Variants in SFMBT1 observed in about 807,000 individuals in gnomAD.
The protein encoded by SFMBT1 is Scm like with four mbt domains 1.
SFMBT1 carries 32 observed loss-of-function variants against 108.7 expected under a neutral mutation model. The ratio of observed to expected loss-of-function variants is 0.29; its 90% CI spans 0.22 to 0.40. The LOEUF is 0.40. Ranked by LOEUF, SFMBT1 falls within the 10% of genes least tolerant of loss-of-function variation. The pLI is 1.00. For synonymous variants in SFMBT1, 348 were observed against 369.5 expected (o/e 0.94, Z 0.67); for missense variants, 816 against 1,059.6 (o/e 0.77, Z 3.19).
chr3:52,986,023 G>A (rs1417696521), intron 1 of SFMBT1, among the ~76,000 whole-genome samples: 3 of 151,744 alleles, frequency 2.0e-5, no homozygotes, highest in Non-Finnish European at 4.4e-5. Flanking sequence ...GGCGCCTGTA[G>A]TCCCAGCTAC....
Position 52,907,286 on chromosome 3 carries a change from G to A in SFMBT1, c.2114C>T (p.Pro705Leu). ...QGSGGEDEDD[P>L]DEGDDDSLSE... ...TAGGGAATCATCATCCCCTTCATCTGGGTCATCCTCATCTTCACCCCCACT... is the reference window on the plus strand; with the variant it reads ...TAGGGAATCATCATCCCCTTCATCTAGGTCATCCTCATCTTCACCCCCACT... The change falls in exon 19 of 21, where the codon CCA becomes CTA. Residue 705 changes from proline to leucine, a missense_variant. This residue lies in a region of SFMBT1 where 177 missense variants were observed against 182.0 expected (regional missense o/e 0.97). Transcript: ENST00000394752. The A allele has an allele frequency of 6.2e-7, 1 of 1,613,654 alleles. No individual in the cohort carries two copies. Among genetic ancestry groups the A allele is most frequent in the East Asian group, 2.2e-5 (1 of 44,880 alleles).
intron 1 of SFMBT1, among the ~76,000 whole-genome samples, chr3:53,016,975 ATTG>A (rs1699146638): frequency 6.6e-6 from 1 of 152,188 alleles, no homozygotes; most frequent in Non-Finnish European, 1.5e-5. Flanking sequence ...AAAACTGATT[ATTG>A]TTAACTAGAT....
chr3:52,937,634 G>C (rs1226783955), intron 4 of SFMBT1, among the ~76,000 whole-genome samples: 1 of 151,390 alleles, frequency 6.6e-6, no homozygotes, highest in Non-Finnish European at 1.5e-5. Flanking sequence ...CCAGGCTGGA[G>C]TGCAGTGGCA....
chr3:52,930,816 C>T, intron 7 of SFMBT1, 125 bp downstream of exon 7: 1 of 706,370 alleles, frequency 1.4e-6, no homozygotes, highest in Non-Finnish European at 2.5e-6. Flanking sequence ...CTTAACACAC[C>T]CTCCTCCTTC....
chr3:52,966,751 AT>A (rs1437640645), intron 2 of SFMBT1, among the ~76,000 whole-genome samples: 4 of 151,762 alleles, frequency 2.6e-5, no homozygotes, highest in African/African-American at 9.7e-5. Flanking sequence ...ATACTGAAAA[AT>A]ATAATAAATT....
chr3:52,952,757 A>G (rs1178149944), intron 3 of SFMBT1, among the ~76,000 whole-genome samples: 1 of 152,078 alleles, frequency 6.6e-6, no homozygotes, highest in Non-Finnish European at 1.5e-5. Context: ...TGGCCGAATC[A>G]CCTCTCCAAG....
At chr3:52,956,377 T>C (rs936726292) in intron 2 of SFMBT1, among the ~76,000 whole-genome samples, 11 of 152,274 alleles carry the variant, frequency 7.2e-5, no homozygotes, top group African/African-American at 2.2e-4. Flanking sequence ...GGAGAATTGC[T>C]TGAACCTGGG....
intron 1 of SFMBT1, among the ~76,000 whole-genome samples, chr3:53,023,504 T>C (rs1405115408): frequency 6.6e-6 from 1 of 152,208 alleles, no homozygotes; most frequent in Non-Finnish European, 1.5e-5. Context: ...TAAATTTATC[T>C]CCATACATGA....
At chr3:52,991,537 T>C (rs973491737) in intron 1 of SFMBT1, among the ~76,000 whole-genome samples, 2 of 152,106 alleles carry the variant, frequency 1.3e-5, no homozygotes, top group African/African-American at 2.4e-5. Context: ...TAGAGACGGG[T>C]TTCACCATGT....
chr3:52,928,617 T>TAC (rs1196803411), intron 8 of SFMBT1: 5 of 43,084 alleles, frequency 1.2e-4, no homozygotes, highest in African/African-American at 3.0e-4. Context: ...TACATATATA[T>TAC]ACATATATAC....
In SFMBT1 at chr3:52,943,335, T is replaced by A; in HGVS notation, c.364+18A>T. ...ACAGTAAAATCACGTCACGTCTTGATAGGAAGTATTTCATTACCTTCTGGG... is the reference window on the plus strand; with the variant it reads ...ACAGTAAAATCACGTCACGTCTTGAAAGGAAGTATTTCATTACCTTCTGGG... On this transcript the variant is annotated intron_variant, in intron 4 of 20. Transcript: ENST00000394752. 1 of 1,613,984 alleles carries A rather than the reference T, an allele frequency of 6.2e-7. No homozygotes were observed. Among genetic ancestry groups the A allele is most frequent in the South Asian group, 1.1e-5 (1 of 91,070 alleles).
intron 2 of SFMBT1, among the ~76,000 whole-genome samples, chr3:52,960,964 C>T (rs1008473534): frequency 1.3e-5 from 2 of 152,136 alleles, no homozygotes; most frequent in African/African-American, 4.8e-5. Context: ...AGGGAAATCT[C>T]GTGTCTACAA....
intron 1 of SFMBT1, among the ~76,000 whole-genome samples, chr3:53,019,553 G>A (rs1423163214): frequency 6.6e-6 from 1 of 151,984 alleles, no homozygotes. Context: ...AATATTACAG[G>A]ACCAACCTAG....
At chr3:52,914,468 C>T (rs74338500) in intron 14 of SFMBT1, among the ~76,000 whole-genome samples, 2,759 of 152,200 alleles carry the variant, frequency 0.018, 212 homozygotes, top group Admixed American at 0.13. Flanking sequence ...GGCTCATGCC[C>T]GTAATCCCAG....
chr3:53,002,451 C>G (rs1575431471), intron 1 of SFMBT1, among the ~76,000 whole-genome samples: 2 of 139,254 alleles, frequency 1.4e-5, no homozygotes, highest in East Asian at 4.2e-4. Context: ...CTTGAATTAA[C>G]AAATAAGCAA....
intron 1 of SFMBT1, among the ~76,000 whole-genome samples, chr3:53,009,489 C>A (rs1408337516): frequency 6.6e-6 from 1 of 152,134 alleles, no homozygotes; most frequent in East Asian, 1.9e-4. Flanking sequence ...AGTTGTTAAT[C>A]TGCTGAGAAT....
At chr3:52,918,564 T>A (rs761494291) in intron 12 of SFMBT1, 38 bp from the exon 13 acceptor site, 1 of 1,385,980 alleles carries the variant, frequency 7.2e-7, no homozygotes, top group Non-Finnish European at 9.8e-7. Flanking sequence ...CCAAGAAAAA[T>A]AAAAAGACAA....
At chr3:52,928,805 T>C (rs1262300219) in intron 8 of SFMBT1, among the ~76,000 whole-genome samples, 8 of 151,370 alleles carry the variant, frequency 5.3e-5, no homozygotes, top group Non-Finnish European at 1.0e-4. Flanking sequence ...CTGGGCTCAG[T>C]TGATCCTCCC....
rs747727373 is a variant in SFMBT1 at position 52,907,051 on chromosome 3, CTA to C, written c.2331+16_2331+17del. ...CAGAGAGAAAGAAAGAAAAAAGAAA[CTA>C]TTTTTTAAATGGTACCTTTGGTGAA... On this transcript the variant is annotated intron_variant, in intron 19 of 20. Coordinates refer to ENST00000394752, the MANE Select transcript of SFMBT1 (RefSeq NM_016329.4). 5 of 1,584,728 alleles carry C rather than the reference CTA, an allele frequency of 3.2e-6. No individual in the cohort carries two copies. The highest frequency in any genetic ancestry group is 1.4e-5 in the African/African-American group (1 of 73,050).
Sources: gnomAD v4.1 joint callset for allele counts (sites outside exome capture counted in the v4.1 genomes callset) on GRCh38, gnomAD v4.1.1 for gene constraint, gnomAD v4.1.1 regional missense constraint, MANE v1.5 for transcripts, NCBI Gene and HGNC (gene_info 2026-07-23, HGNC 2026-07-21) for gene names.